The following PC variants were observed in gnomAD, a reference collection of about 807,000 sequenced individuals.
The protein encoded by PC is pyruvate carboxylase.
In PC, 46 loss-of-function variants were observed where a neutral mutation model predicts 107.8. The ratio of observed to expected loss-of-function variants is 0.43; its 90% CI spans 0.34 to 0.55. The LOEUF (loss-of-function observed/expected upper bound fraction) is 0.55, where lower values mean the gene tolerates loss of function less well. Ranked by LOEUF, PC falls within the 20% of genes least tolerant of loss-of-function variation. The probability of loss-of-function intolerance (pLI) is 0.04; values close to 1 mark genes in which losing one functional copy is unlikely to be tolerated. For missense variants in PC, 1,241 were observed against 1,643.1 expected (o/e 0.76, Z 4.23); for synonymous variants, 662 against 684.7 (o/e 0.97, Z 0.52).
chr11:66,853,509 T>C (rs1252609369), intron 12 of PC, 126 bp from the exon 13 acceptor site: 6 of 1,111,048 alleles, frequency 5.4e-6, no homozygotes. Flanking sequence ...TGGGCCTCCC[T>C]GCAGAGGGGC....
At chr11:66,878,925 C>T (rs918155899) in intron 3 of PC, among the ~76,000 whole-genome samples, 1 of 152,212 alleles carries the variant, frequency 6.6e-6, no homozygotes, top group Non-Finnish European at 1.5e-5. Flanking sequence ...GGTTTGGGCA[C>T]CTCTGAGGCC....
intron 3 of PC, among the ~76,000 whole-genome samples, chr11:66,903,864 G>A (rs1202787232): frequency 3.9e-5 from 5 of 129,324 alleles, no homozygotes; most frequent in Non-Finnish European, 6.3e-5. Flanking sequence ...GTCTCACTTC[G>A]TCACCCAGGC....
chr11:66,855,772 C>T (rs1329575171), intron 12 of PC, among the ~76,000 whole-genome samples: 1 of 152,240 alleles, frequency 6.6e-6, no homozygotes, highest in Non-Finnish European at 1.5e-5. Flanking sequence ...CAAGCTGCAG[C>T]TGTCCTCCCC....
intron 9 of PC, among the ~76,000 whole-genome samples, chr11:66,869,432 G>A (rs935261137): frequency 6.6e-6 from 1 of 151,858 alleles, no homozygotes; most frequent in Admixed American, 6.6e-5. Context: ...ATTCATTTGA[G>A]AGGTACCAAC....
At chr11:66,877,343 G>C (rs1284843289) in intron 3 of PC, among the ~76,000 whole-genome samples, 1 of 152,116 alleles carries the variant, frequency 6.6e-6, no homozygotes, top group African/African-American at 2.4e-5. Context: ...CCGAGATCGC[G>C]CCATTGCATT....
At position 66,850,907 on chromosome 11, in the gene PC, A is replaced by T. The variant is rs759337749; in HGVS notation, c.2240T>A (p.Leu747Gln). Residue 747 changes from leucine to glutamine, a missense_variant, in exon 18 of 23, where the codon CTG (leucine) becomes CAG (glutamine). Transcript: ENST00000393960. ...ILCIKDMAGL[L>Q]KPTACTMLVS... ...CAGCATGGTGCAGGCCGTGGGCTTC[A>T]GCAGCCCGGCCATGTCCTGGGGGAA... 3 of 1,609,474 alleles carry T rather than the reference A, an allele frequency of 1.9e-6. No individual in the cohort carries two copies.
chr11:66,857,907 C>G lies in PC; in HGVS notation c.1369-4524G>C, dbSNP rs1945966091. 6.2e-7 allele frequency: 1 copy of G among 1,612,218 alleles called. No homozygotes were observed. The highest frequency in any genetic ancestry group is 2.2e-5 in the East Asian group (1 of 44,864). On this transcript the variant is annotated intron_variant, in intron 12 of 22. Coordinates refer to ENST00000393960, the MANE Select transcript of PC (RefSeq NM_001040716.2). This position sits in a 1 kb window ranked among gnomAD's most constrained non-coding sequence, Gnocchi z 7.1. ...GGACCGGCGCACAGTGGAGCTGCGG[C>G]TGGCTGACAACTTCATCCAGGCCCT...
intron 3 of PC, among the ~76,000 whole-genome samples, chr11:66,873,379 A>T (rs1297730373): frequency 1.9e-5 from 2 of 107,660 alleles, no homozygotes; most frequent in East Asian, 2.2e-4. Flanking sequence ...TTATATATAA[A>T]ATATAAAATA....
intron 3 of PC, among the ~76,000 whole-genome samples, chr11:66,890,970 G>A (rs1466228736): frequency 6.6e-6 from 1 of 152,062 alleles, no homozygotes; most frequent in Non-Finnish European, 1.5e-5. Flanking sequence ...GAATAACTTT[G>A]ACCCCATATA....
rs1945549409 is a variant in PC, at chr11:66,852,316, T to C, written c.1825+123A>G. 1.1e-6 allele frequency: 1 copy of C among 886,884 alleles called. No homozygotes were observed. Among genetic ancestry groups the C allele is most frequent in the Non-Finnish European group, 1.8e-6 (1 of 543,446 alleles). 54.9% of individuals were successfully genotyped at this position (886,884 alleles called of 1,614,324 possible). On this transcript the variant is annotated intron_variant, in intron 15 of 22. Transcript: ENST00000393960. The surrounding 1 kb of genome is among the most constrained non-coding windows in gnomAD (Gnocchi z 4.7). ...GGAGAGGGCGCTGTGCCTTCTTCGG[T>C]CCTTCCTCTTTGGTGTTCTTCGTGT...
At chr11:66,859,826 G>C in intron 12 of PC, 1 of 1,579,580 alleles carries the variant, frequency 6.3e-7, no homozygotes, top group Non-Finnish European at 8.6e-7. Flanking sequence ...AGGCCCACGT[G>C]CTGGGCGGGA....
At chr11:66,872,755 G>C (rs1946791451) in intron 3 of PC, among the ~76,000 whole-genome samples, 2 of 152,002 alleles carry the variant, frequency 1.3e-5, no homozygotes. Flanking sequence ...AAAGTATCAG[G>C]TTGGGCGCGG....
chr11:66,922,447 G>A (rs548673214), intron 3 of PC, among the ~76,000 whole-genome samples: 4 of 150,904 alleles, frequency 2.7e-5, no homozygotes, highest in Non-Finnish European at 4.4e-5. Flanking sequence ...GGTGGTGCGC[G>A]CCTGTAATCC....
At chr11:66,905,139 A>G (rs1948117257) in intron 3 of PC, among the ~76,000 whole-genome samples, 1 of 152,280 alleles carries the variant, frequency 6.6e-6, no homozygotes, top group Non-Finnish European at 1.5e-5. Flanking sequence ...CTCTGCCTTT[A>G]AGAAAATCAC....
At position 66,956,923 on chromosome 11, in the gene PC, T is replaced by G. The variant is rs186485443; in HGVS notation, c.-228+1399A>C. On this transcript the variant is annotated intron_variant, in intron 1 of 22. Transcript: ENST00000393960. ...TTATTTTCTCTCTCCCCCAATGGGT[T>G]TGTCAGCAGTTGCAGGACAAGGATT... is the stretch of plus-strand genomic sequence containing the variant. Among the ~76,000 whole-genome samples the G allele has an allele frequency of 1.7e-3, 260 of 152,338 alleles. 1 individual carries two copies. The highest frequency in any genetic ancestry group is 5.9e-3 in the African/African-American group (246 of 41,574).
chr11:66,851,022 G>A lies in PC; in HGVS notation c.2223+18C>T, dbSNP rs1280375324. The A allele has an allele frequency of 6.2e-7, 1 of 1,611,946 alleles. No homozygotes were observed. The highest frequency in any genetic ancestry group is 2.2e-5 in the East Asian group (1 of 44,882). The stretch of plus-strand genomic sequence containing the variant: ...TGGCCGGGGCAGAGAGGGAGGGACG[G>A]ACAAGTGGCCCAGGCACCTTGATGC... On this transcript the variant is annotated intron_variant, in intron 17 of 22. Coordinates refer to ENST00000393960, the MANE Select transcript of PC (RefSeq NM_001040716.2).
At position 66,910,485 on chromosome 11, in the gene PC, G is replaced by A. The variant is rs1565281187; in HGVS notation, c.1-38326C>T. On this transcript the variant is annotated intron_variant, in intron 3 of 22. Coordinates refer to ENST00000393960, the MANE Select transcript of PC (RefSeq NM_001040716.2). ...CAAGTAGAGTTTCTTTCATTTATTC[G>A]GAAAGCTTGTGAGGACTGTCCACTA... Among the ~76,000 whole-genome samples, 3 of 152,088 alleles carry A rather than the reference G, an allele frequency of 2.0e-5. No homozygotes were observed. In the South Asian group the frequency reaches 6.2e-4, roughly 32 times the overall value.
At chr11:66,907,082 T>C (rs1408590834) in intron 3 of PC, among the ~76,000 whole-genome samples, 1 of 152,218 alleles carries the variant, frequency 6.6e-6, no homozygotes, top group Non-Finnish European at 1.5e-5. Context: ...GGTGCTGAAC[T>C]ATGAGCAGGG....
At chr11:66,855,488 G>C (rs142199473) in intron 12 of PC, among the ~76,000 whole-genome samples, 6,400 of 152,206 alleles carry the variant, frequency 0.042, 208 homozygotes, top group Admixed American at 0.058. Flanking sequence ...TAATAGAGAT[G>C]GGGTTTCGCC....
Sources: allele counts gnomAD v4.1 joint callset (sites outside exome capture counted in the v4.1 genomes callset), GRCh38; gene constraint gnomAD v4.1.1; non-coding constraint Gnocchi (gnomAD v3.1); transcripts MANE v1.5; gene names NCBI Gene and HGNC (gene_info 2026-07-23, HGNC 2026-07-21).